MRC1: variants seen among roughly 807,000 people sequenced by gnomAD.
MRC1 encodes macrophage mannose receptor 1.
Under a neutral mutation model 102.9 loss-of-function variants are expected in MRC1, and 62 were observed. That is an observed-to-expected ratio of 0.60 (90% CI 0.49 to 0.74). The LOEUF (loss-of-function observed/expected upper bound fraction) is 0.74. Ranked by LOEUF, MRC1 falls within the 30% of genes least tolerant of loss-of-function variation. MRC1 has a pLI of 0.00. For synonymous variants in MRC1, 457 were observed against 298.4 expected (o/e 1.53, Z -5.48); for missense variants, 1,237 against 862.8 (o/e 1.43, Z -5.43).
chr10:17,859,138 C>A (rs955904485), intron 9 of MRC1, among the ~76,000 whole-genome samples: 1 of 152,092 alleles, frequency 6.6e-6, no homozygotes, highest in African/African-American at 2.4e-5. Context: ...ATAGACATTC[C>A]GTACTTTGGG....
At chr10:17,867,653 T>A (rs1277436020) in intron 12 of MRC1, among the ~76,000 whole-genome samples, 1 of 152,072 alleles carries the variant, frequency 6.6e-6, no homozygotes. Context: ...AAACTCCTCG[T>A]GTCAATTGAT....
chr10:17,880,147 G>A (rs1304673064), intron 19 of MRC1, among the ~76,000 whole-genome samples: 3 of 151,994 alleles, frequency 2.0e-5, no homozygotes, highest in Admixed American at 1.3e-4. Flanking sequence ...CTGCAAAATG[G>A]GAATAATGAC....
intron 1 of MRC1, 138 bp downstream of exon 1, chr10:17,809,664 G>A (rs1838193058): frequency 1.3e-6 from 1 of 758,148 alleles, no homozygotes; most frequent in Admixed American, 1.8e-5. Flanking sequence ...CGCAGTCCAC[G>A]GCTAAGCCTG....
intron 15 of MRC1, among the ~76,000 whole-genome samples, chr10:17,872,523 T>A (rs1372660746): frequency 3.9e-5 from 6 of 152,184 alleles, no homozygotes; most frequent in African/African-American, 1.4e-4. Flanking sequence ...TTTCCCCAAG[T>A]CTGAATATTC....
At chr10:17,868,515 A>G (rs1304308006) in intron 12 of MRC1, among the ~76,000 whole-genome samples, 1 of 152,186 alleles carries the variant, frequency 6.6e-6, no homozygotes. Context: ...CTCCTTCAAC[A>G]TGTGGGGATT....
Position 17,840,775 on chromosome 10 carries a change from C to A in MRC1, c.885C>A (p.Arg295=). 1 of 780,852 alleles carries A rather than the reference C, an allele frequency of 1.3e-6. No homozygotes were observed. 48.4% of individuals were successfully genotyped at this position (780,852 alleles called of 1,614,324 possible). ...SFNSGWQWSD[R]SPFRYLNWLP... The stretch of plus-strand genomic sequence containing the variant: ...ACAGCGGTTGGCAGTGGAGTGACCG[C>A]AGTCCTTTCCGATATTTGAACTGGT... Residue 295 remains arginine, a synonymous_variant, in exon 5 of 30, where the codon CGC becomes CGA. Transcript: ENST00000569591.
chr10:17,881,610 T>C (rs1833518296), intron 21 of MRC1, among the ~76,000 whole-genome samples: 1 of 151,600 alleles, frequency 6.6e-6, no homozygotes, highest in Non-Finnish European at 1.5e-5. Flanking sequence ...AGTCACTTGA[T>C]CATAGAACTT....
Position 17,833,845 on chromosome 10 carries a change from G to GTA in MRC1, c.802+6_802+7insTA. 2.6e-6 allele frequency: 2 copies of GTA among 780,676 alleles called. No individual in the cohort carries two copies. Among genetic ancestry groups the GTA allele is most frequent in the Non-Finnish European group, 4.8e-6 (2 of 417,954 alleles). The allele number at this position is 780,676 out of a possible 1,614,324, so 48.4% of individuals were successfully genotyped here. A position where few individuals can be genotyped will look rare whatever the true frequency, so the allele number is the denominator to read the frequency against. ...TGAGCAAACATACCTGACAGGTAAG[G>GTA]ACATGAAAAGTCTCAAGTAAAATCA... On this transcript the variant is annotated splice_region_variant and intron_variant, in intron 4 of 29. Transcript: ENST00000569591.
Position 17,900,930 on chromosome 10 carries a change from A to G in MRC1, c.3626A>G (p.Tyr1209Cys). The change falls in exon 25 of 30, where the codon TAC (tyrosine) becomes TGC (cysteine). Residue 1209 changes from tyrosine to cysteine, a missense_variant. Tyr to Cys is a radical substitution (Grantham distance 194). Coordinates refer to ENST00000569591, the MANE Select transcript of MRC1 (RefSeq NM_002438.4). ...WKTAHCNESF[Y>C]FLCKRSDEIP... is the part of the protein sequence containing the mutation. ...ACAGCACATTGCAATGAAAGTTTTT[A>G]CTTTCTCTGTAAAAGATCAGATGGT... The G allele has an allele frequency of 1.3e-6, 1 of 780,568 alleles. No homozygotes were observed. Among genetic ancestry groups the G allele is most frequent in the South Asian group, 1.3e-5 (1 of 74,476 alleles). The allele number at this position is 780,568 out of a possible 1,614,324, so 48.4% of individuals were successfully genotyped here.
At chr10:17,818,806 G>C (rs1247711978) in intron 1 of MRC1, among the ~76,000 whole-genome samples, 1 of 152,150 alleles carries the variant, frequency 6.6e-6, no homozygotes, top group African/African-American at 2.4e-5. Context: ...CTCAAGGAAA[G>C]AAAGAAAAGG....
At chr10:17,824,874 T>C (rs2130594545) in intron 2 of MRC1, among the ~76,000 whole-genome samples, 2 of 152,256 alleles carry the variant, frequency 1.3e-5, no homozygotes, top group Middle Eastern at 3.4e-3. Context: ...CAAATATACA[T>C]AGGGTTTGGG....
chr10:17,850,074 A>G (rs1304576781), intron 7 of MRC1, among the ~76,000 whole-genome samples: 2 of 151,962 alleles, frequency 1.3e-5, no homozygotes, highest in Non-Finnish European at 2.9e-5. Flanking sequence ...TCTACCTTAC[A>G]CTTGTGAACA....
chr10:17,873,969 G>C, intron 16 of MRC1, 144 bp downstream of exon 16: 1 of 687,426 alleles, frequency 1.5e-6, no homozygotes, highest in African/African-American at 1.8e-5. Context: ...ATGGAAATTT[G>C]GGTCTTCCTC....
chr10:17,884,604 T>C (rs934441892), intron 21 of MRC1, among the ~76,000 whole-genome samples: 1,688 of 152,222 alleles, frequency 0.011, 13 homozygotes, highest in South Asian at 0.023. Flanking sequence ...GAGAGAGAAG[T>C]GCAAAGCAAA....
At chr10:17,867,792 T>C (rs1833297977) in intron 12 of MRC1, among the ~76,000 whole-genome samples, 1 of 152,184 alleles carries the variant, frequency 6.6e-6, no homozygotes, top group Admixed American at 6.5e-5. Flanking sequence ...TTTCCCATGC[T>C]CTTAGAGCCC....
At position 17,881,834 on chromosome 10, in the gene MRC1, GTTTTTTTTTT is replaced by G. The variant is rs1159143035; in HGVS notation, c.2980+673_2980+682del. ...CAATGCTCGCCTAATATTTTTTAAA[GTTTTTTTTTT>G]TTTTTTTTTTTTTTTTTTTGGTAGA... is the stretch of plus-strand genomic sequence containing the variant. On this transcript the variant is annotated intron_variant, in intron 21 of 29. Coordinates refer to ENST00000569591, the MANE Select transcript of MRC1 (RefSeq NM_002438.4). Among the ~76,000 whole-genome samples the G allele has an allele frequency of 5.3e-4, 33 of 61,880 alleles. 1 individual carries two copies. In the East Asian group the frequency reaches 0.014, roughly 26 times the overall value. The allele number at this position is 61,880 out of a possible 152,430, so 40.6% of individuals were successfully genotyped here. A position where few individuals can be genotyped will look rare whatever the true frequency, so the allele number is the denominator to read the frequency against.
rs1356915489 is a variant in MRC1 at position 17,861,291 on chromosome 10, C to T, written c.1519-96C>T. 5 of 627,688 alleles carry T rather than the reference C, an allele frequency of 8.0e-6. No individual in the cohort carries two copies. In the East Asian group the frequency reaches 9.3e-5, roughly 12 times the overall value. 38.9% of individuals were successfully genotyped at this position (627,688 alleles called of 1,614,324 possible). ...TTGCGCCATTGTACTCCAGCCTGGG[C>T]GACAAGAGCAAAACTGCATCTCAAA... is the stretch of plus-strand genomic sequence containing the variant. On this transcript the variant is annotated intron_variant, in intron 9 of 29. Transcript: ENST00000569591.
At chr10:17,869,716 A>G (rs1260374179) in intron 12 of MRC1, among the ~76,000 whole-genome samples, 1 of 152,254 alleles carries the variant, frequency 6.6e-6, no homozygotes, top group Non-Finnish European at 1.5e-5. Flanking sequence ...ATGTACAACC[A>G]TAATGAAAAA....
chr10:17,864,396 G>T (rs1833230802), intron 11 of MRC1, among the ~76,000 whole-genome samples: 1 of 152,056 alleles, frequency 6.6e-6, no homozygotes, highest in Non-Finnish European at 1.5e-5. Flanking sequence ...TGGTTGGGTG[G>T]GGCAGCAAAG....
Sources: allele counts gnomAD v4.1 joint callset (sites outside exome capture counted in the v4.1 genomes callset), GRCh38; gene constraint gnomAD v4.1.1; transcripts MANE v1.5; gene names NCBI Gene and HGNC (gene_info 2026-07-23, HGNC 2026-07-21).